BAHCC1: variants seen among roughly 807,000 people sequenced by gnomAD.
BAHCC1 encodes BAH domain and coiled-coil containing 1, also known as BAH and coiled-coil domain-containing protein 1.
A neutral mutation model predicts 88.2 loss-of-function variants in BAHCC1; 43 were observed. That is an observed-to-expected ratio of 0.49 (90% CI 0.38 to 0.63). The LOEUF (loss-of-function observed/expected upper bound fraction) is 0.63. BAHCC1 is among the 20% of genes least tolerant of loss of function. BAHCC1 has a pLI of 0.00. For synonymous variants in BAHCC1, 1,510 were observed against 745.5 expected (o/e 2.03, Z -16.71); for missense variants, 3,023 against 1,654.8 (o/e 1.83, Z -14.34).
intron 2 of BAHCC1, among the ~76,000 whole-genome samples, chr17:81,412,129 C>T (rs1598457705): frequency 6.6e-6 from 1 of 152,274 alleles, no homozygotes; most frequent in East Asian, 1.9e-4. Context: ...GCTCTGTGGT[C>T]CCCCAGGATC....
In BAHCC1 at chr17:81,442,001, T is replaced by C; in HGVS notation, c.652T>C (p.Phe218Leu). Residue 218 changes from phenylalanine (F) to leucine (L), a missense_variant, in exon 5 of 28, where the codon TTC becomes CTC. Physicochemically the swap from Phe to Leu is conservative, Grantham distance 22. Coordinates refer to ENST00000675386, the MANE Select transcript of BAHCC1 (RefSeq NM_001377448.1). Reference sequence around the variant, plus strand: ...GAAGGGCCCCAAGGACTTCGACCGCTTCCTCGTGGGCAAAGAGCTGGGCAG... The same window carrying C: ...GAAGGGCCCCAAGGACTTCGACCGCCTCCTCGTGGGCAAAGAGCTGGGCAG... ...LQKGPKDFDR[F>L]LVGKELGREK... The C allele has an allele frequency of 1.3e-6, 1 of 741,402 alleles. No homozygotes were observed. The highest frequency in any genetic ancestry group is 2.5e-6 in the Non-Finnish European group (1 of 394,376). The allele number at this position is 741,402 out of a possible 1,614,324, so 45.9% of individuals were successfully genotyped here.
At chr17:81,427,773 G>C (rs2064217398) in intron 3 of BAHCC1, among the ~76,000 whole-genome samples, 1 of 152,146 alleles carries the variant, frequency 6.6e-6, no homozygotes, top group Non-Finnish European at 1.5e-5. Context: ...GCAGTTGGCA[G>C]CGGGCACACA....
chr17:81,444,117 C>T (rs782462872), intron 6 of BAHCC1, 200 bp downstream of exon 6: 24 of 603,112 alleles, frequency 4.0e-5, no homozygotes, highest in Admixed American at 5.8e-5. Context: ...CCCCTTGCAG[C>T]GGTCAGGTTA....
At chr17:81,426,659 T>C in intron 2 of BAHCC1, 141 bp from the exon 3 acceptor site, 1 of 397,888 alleles carries the variant, frequency 2.5e-6, no homozygotes, top group Non-Finnish European at 4.4e-6. Flanking sequence ...ATCGGTTTCT[T>C]GGATATTGAA....
rs1555653009 is a variant in BAHCC1 at position 81,442,816 on chromosome 17, C to G, written c.1467C>G (p.Asp489Glu). 5 of 779,460 alleles carry G rather than the reference C, an allele frequency of 6.4e-6. No individual in the cohort carries two copies. The highest frequency in any genetic ancestry group is 1.2e-5 in the Non-Finnish European group (5 of 417,934). The allele number at this position is 779,460 out of a possible 1,614,324, so 48.3% of individuals were successfully genotyped here. ...SFPGLPKSGL[D>E]KSGYFELPTS... ...CCGGACTCCCTAAAAGCGGTCTGGA[C>G]AAAAGCGGCTACTTCGAGTTGCCCA... The change falls in exon 5 of 28, where the codon GAC becomes GAG. Residue 489 changes from aspartate (D) to glutamate (E), a missense_variant. Physicochemically the swap from Asp to Glu is conservative, Grantham distance 45. Transcript: ENST00000675386.
Position 81,442,671 on chromosome 17 carries a change from A to G in BAHCC1, c.1322A>G (p.Tyr441Cys), listed in dbSNP as rs782432504. 1 of 774,664 alleles carries G rather than the reference A, an allele frequency of 1.3e-6. No individual in the cohort carries two copies. Among genetic ancestry groups the G allele is most frequent in the Non-Finnish European group, 2.4e-6 (1 of 415,884 alleles). 48.0% of individuals were successfully genotyped at this position (774,664 alleles called of 1,614,324 possible). A position where few individuals can be genotyped will look rare whatever the true frequency, so the allele number is the denominator to read the frequency against. ...PDHAAPYGVS[Y>C]AHLKAEGKGE... ...CACGCTGCACCCTATGGAGTCTCCT[A>G]TGCCCACCTGAAGGCCGAGGGCAAG... The change falls in exon 5 of 28, where the codon TAT (tyrosine) becomes TGT (cysteine). Residue 441 changes from tyrosine (Y) to cysteine (C), a missense_variant. Coordinates refer to ENST00000675386, the MANE Select transcript of BAHCC1 (RefSeq NM_001377448.1).
intron 3 of BAHCC1, among the ~76,000 whole-genome samples, chr17:81,430,039 G>A (rs923756804): frequency 1.2e-4 from 19 of 152,238 alleles, no homozygotes; most frequent in East Asian, 7.7e-4. Context: ...CCCGAGGCTC[G>A]CGCTCCCACC....
At position 81,456,466 on chromosome 17, in the gene BAHCC1, C is replaced by A; in HGVS notation, c.4739C>A (p.Ser1580Tyr). The A allele has an allele frequency of 1.4e-6, 1 of 721,690 alleles. No individual in the cohort carries two copies. Among genetic ancestry groups the A allele is most frequent in the East Asian group, 2.7e-5 (1 of 37,626 alleles). The allele number at this position is 721,690 out of a possible 1,614,324, so 44.7% of individuals were successfully genotyped here. Residue 1580 changes from serine (S) to tyrosine (Y), a missense_variant, in exon 16 of 28, where the codon TCC (serine) becomes TAC (tyrosine). Transcript: ENST00000675386. ...GGGGGGCGCATCCGGGAGAAGCTGT[C>A]CCGAGCCAAGAGTGCCAAGGTGTCT... is the stretch of plus-strand genomic sequence containing the variant. ...TPGGRIREKL[S>Y]RAKSAKVSGA...
In BAHCC1 at chr17:81,399,280, C is replaced by G. The variant is rs1420479713; in HGVS notation, c.-206-254C>G. ...GAACGGGAGGCGGCGAGCAGTGCGG[C>G]TGGGTTCCCCCGGCTGCCCCGGGCC... is the stretch of plus-strand genomic sequence containing the variant. On this transcript the variant is annotated intron_variant, in intron 1 of 27. Transcript: ENST00000675386. This position sits in a 1 kb window ranked among gnomAD's most constrained non-coding sequence, Gnocchi z 4.5. 1.4e-5 allele frequency: 5 copies of G among 350,482 alleles called. No homozygotes were observed. The highest frequency in any genetic ancestry group is 2.9e-5 in the Non-Finnish European group (5 of 172,508). The allele number at this position is 350,482 out of a possible 1,614,324, so 21.7% of individuals were successfully genotyped here. A position where few individuals can be genotyped will look rare whatever the true frequency, so the allele number is the denominator to read the frequency against.
intron 11 of BAHCC1, chr17:81,451,196 C>T (rs1227474187): frequency 6.2e-6 from 1 of 160,388 alleles, no homozygotes; most frequent in Non-Finnish European, 1.4e-5. Flanking sequence ...GCTTGAGCCA[C>T]AGCATTCAAC....
At chr17:81,431,935 A>C (rs2064265488) in intron 3 of BAHCC1, among the ~76,000 whole-genome samples, 1 of 152,108 alleles carries the variant, frequency 6.6e-6, no homozygotes, top group African/African-American at 2.4e-5. Flanking sequence ...CCCTGCGCAC[A>C]CCCAGGCACC....
chr17:81,409,026 G>A (rs1347648293), intron 2 of BAHCC1, among the ~76,000 whole-genome samples: 3 of 152,236 alleles, frequency 2.0e-5, no homozygotes, highest in South Asian at 2.1e-4. Flanking sequence ...CCCCCACACC[G>A]GAAAAGATGA....
Position 81,446,738 on chromosome 17 carries a change from T to C in BAHCC1, c.3164-298T>C, listed in dbSNP as rs532420196. The stretch of plus-strand genomic sequence containing the variant: ...TCATTGTTCTTTAATTTTTTTGTAG[T>C]GGCACGTGCTCACTCTGTTGCCCAC... On this transcript the variant is annotated intron_variant, in intron 10 of 27. Coordinates refer to ENST00000675386, the MANE Select transcript of BAHCC1 (RefSeq NM_001377448.1). 9.1e-4 allele frequency: 503 copies of C among 555,742 alleles called. 12 individuals are homozygous for C. Among genetic ancestry groups the C allele is most frequent in the South Asian group, 7.6e-3 (494 of 64,796 alleles). The allele number at this position is 555,742 out of a possible 1,614,324, so 34.4% of individuals were successfully genotyped here. A position where few individuals can be genotyped will look rare whatever the true frequency, so the allele number is the denominator to read the frequency against.
At chr17:81,405,178 G>A (rs1188469833) in intron 2 of BAHCC1, among the ~76,000 whole-genome samples, 1 of 152,050 alleles carries the variant, frequency 6.6e-6, no homozygotes, top group Non-Finnish European at 1.5e-5. Flanking sequence ...AGCCATTGTC[G>A]TGCCTCAGTC....
chr17:81,432,317 G>A (rs2064269726), intron 3 of BAHCC1, among the ~76,000 whole-genome samples: 1 of 152,062 alleles, frequency 6.6e-6, no homozygotes, highest in Non-Finnish European at 1.5e-5. Context: ...TCATGCCTGT[G>A]GCCCCGGTAC....
chr17:81,397,298 G>A (rs1405309706), intron 1 of BAHCC1, among the ~76,000 whole-genome samples: 2 of 152,074 alleles, frequency 1.3e-5, no homozygotes, highest in South Asian at 2.1e-4. Flanking sequence ...CGCCCGCAGG[G>A]GGTGGGAGAT....
chr17:81,420,292 G>A (rs1331413062), intron 2 of BAHCC1, among the ~76,000 whole-genome samples: 19 of 152,334 alleles, frequency 1.2e-4, no homozygotes, highest in Admixed American at 9.1e-4. Context: ...CACCTCTGCT[G>A]TAAGCCCATG....
In BAHCC1 at chr17:81,447,796, C is replaced by T. The variant is rs1555655012; in HGVS notation, c.3924C>T (p.Ser1308=). ...SSGIHGIALL[S]ELADLAIQRQ... is the part of the protein sequence containing the mutation. ...GGATTCATGGGATCGCTCTGCTCAG[C>T]GAGCTGGCTGACCTGGCAATCCAGC... Residue 1308 remains serine, a synonymous_variant, in exon 11 of 28, where the codon AGC becomes AGT. Coordinates refer to ENST00000675386, the MANE Select transcript of BAHCC1 (RefSeq NM_001377448.1). 6.6e-6 allele frequency: 5 copies of T among 752,124 alleles called. No individual in the cohort carries two copies. Among genetic ancestry groups the T allele is most frequent in the East Asian group, 2.5e-5 (1 of 39,654 alleles). The allele number at this position is 752,124 out of a possible 1,614,324, so 46.6% of individuals were successfully genotyped here.
At chr17:81,425,299 ATAG>A (rs1200575686) in intron 2 of BAHCC1, among the ~76,000 whole-genome samples, 6 of 29,240 alleles carry the variant, frequency 2.1e-4, no homozygotes, top group African/African-American at 3.9e-4. Flanking sequence ...GTTGGGGGTG[ATAG>A]TGGTGGGTGA....
Sources: gnomAD v4.1 joint callset for allele counts (sites outside exome capture counted in the v4.1 genomes callset) on GRCh38, gnomAD v4.1.1 for gene constraint, Gnocchi (gnomAD v3.1) non-coding constraint, MANE v1.5 for transcripts, NCBI Gene and HGNC (gene_info 2026-07-23, HGNC 2026-07-21) for gene names.